Variants in WDR48 observed in about 807,000 individuals in gnomAD.
WDR48 encodes WD repeat domain 48.
WDR48 carries 22 observed loss-of-function variants against 94.0 expected under a neutral mutation model. That is an observed-to-expected ratio of 0.23 (90% CI 0.17 to 0.33). The LOEUF (loss-of-function observed/expected upper bound fraction) is 0.33. Among genes scored for constraint, WDR48 ranks in the 10% least tolerant of loss-of-function variants. WDR48 has a pLI of 1.00. For synonymous variants in WDR48, 278 were observed against 280.5 expected (o/e 0.99, Z 0.09); for missense variants, 541 against 813.8 (o/e 0.66, Z 4.08).
chr3:39,056,105 A>G (rs1351909169), intron 1 of WDR48, among the ~76,000 whole-genome samples: 1 of 152,258 alleles, frequency 6.6e-6, no homozygotes, highest in East Asian at 1.9e-4. Flanking sequence ...CTTGAAACAT[A>G]TCAGCATATA....
chr3:39,078,979 G>A (rs1291958761), intron 10 of WDR48, among the ~76,000 whole-genome samples: 2 of 148,344 alleles, frequency 1.3e-5, no homozygotes, highest in African/African-American at 5.0e-5. Flanking sequence ...GCAGTGAGCC[G>A]AGATCCCGCC....
intron 1 of WDR48, 120 bp downstream of exon 1, chr3:39,052,193 G>C: frequency 7.9e-7 from 1 of 1,267,722 alleles, no homozygotes; most frequent in South Asian, 1.4e-5. Context: ...ACGGGGCGGG[G>C]CGCGGCCGGC....
At chr3:39,090,347 T>C (rs1163315304) in intron 16 of WDR48, 1 of 152,242 alleles carries the variant, frequency 6.6e-6, no homozygotes, top group African/African-American at 2.4e-5. Flanking sequence ...GTGGTTTATA[T>C]TGAATATTAA....
chr3:39,077,144 G>T lies in WDR48; in HGVS notation c.903G>T (p.Glu301Asp), dbSNP rs1257079968. Reference protein sequence around the residue: ...CEEKAPVLKMELDRSADPPPA... With the variant: ...CEEKAPVLKMDLDRSADPPPA... ...TTTTTGTGCTTTGTTTTCAGATGGA[G>T]CTTGATAGATCAGCTGATCCTCCTC... is the stretch of plus-strand genomic sequence containing the variant. Residue 301 changes from glutamate to aspartate, a missense_variant, in exon 9 of 19, where the codon GAG (glutamate) becomes GAT (aspartate). Glu to Asp is a conservative substitution (Grantham distance 45). Around this residue, in one of 5 missense-constraint regions of WDR48, gnomAD observed 238 missense variants for 285.3 expected, o/e 0.83. Transcript: ENST00000302313. The T allele has an allele frequency of 6.2e-7, 1 of 1,614,158 alleles. No homozygotes were observed. Among genetic ancestry groups the T allele is most frequent in the East Asian group, 2.2e-5 (1 of 44,876 alleles).
At chr3:39,065,219 A>T (rs112390666) in intron 2 of WDR48, among the ~76,000 whole-genome samples, 1 of 152,232 alleles carries the variant, frequency 6.6e-6, no homozygotes, top group Admixed American at 6.5e-5. Flanking sequence ...TGAAATGGTG[A>T]CACAGGTTGT....
intron 1 of WDR48, among the ~76,000 whole-genome samples, chr3:39,057,983 T>C (rs1187404817): frequency 6.6e-6 from 1 of 152,214 alleles, no homozygotes; most frequent in African/African-American, 2.4e-5. Context: ...TATTTAATAT[T>C]TTGAAACATT....
At chr3:39,087,822 A>C (rs894614495) in intron 14 of WDR48, 1 of 226,482 alleles carries the variant, frequency 4.4e-6, no homozygotes, top group Non-Finnish European at 8.6e-6. Context: ...GTTTATATAC[A>C]GGCTGTCCTA....
At position 39,066,600 on chromosome 3, in the gene WDR48, AT is replaced by A; in HGVS notation, c.325del (p.Cys109AlafsTer5). ...TVKVWNAHKG[F>X]CMSTLRTHKD... ...TAAAAGTATGGAATGCACACAAGGG[AT>A]TTTGCATGTCAACATTAAGGACACA... On this transcript the variant is annotated frameshift_variant, in exon 4 of 19. Transcript: ENST00000302313. LOFTEE classifies it high-confidence loss of function. 6.2e-7 allele frequency: 1 copy of A among 1,613,876 alleles called. No homozygotes were observed. Among genetic ancestry groups the A allele is most frequent in the Non-Finnish European group, 8.5e-7 (1 of 1,179,908 alleles).
chr3:39,088,193 C>G lies in WDR48; in HGVS notation c.1540C>G (p.Pro514Ala). Residue 514 changes from proline (P) to alanine (A), a missense_variant, in exon 15 of 19, where the codon CCC (proline) becomes GCC (alanine). Physicochemically the swap from Pro to Ala is conservative, Grantham distance 27. This residue lies in a region of WDR48 where 238 missense variants were observed against 285.3 expected (regional missense o/e 0.83). Coordinates refer to ENST00000302313, the MANE Select transcript of WDR48 (RefSeq NM_020839.4). ...NGYFQVPPHT[P>A]VIFGEAGGRT... ...ATATTTTCAAGTGCCCCCACATACA[C>G]CCGTGATCTTTGGTGAAGCTGGAGG... The G allele has an allele frequency of 6.2e-7, 1 of 1,614,158 alleles. No individual in the cohort carries two copies. The highest frequency in any genetic ancestry group is 8.5e-7 in the Non-Finnish European group (1 of 1,180,040).
chr3:39,087,707 T>C (rs1309011765), intron 14 of WDR48: 1 of 160,532 alleles, frequency 6.2e-6, no homozygotes, highest in Non-Finnish European at 1.4e-5. Flanking sequence ...CAAATGCTTC[T>C]GTCTTTAGTT....
chr3:39,088,897 CTGTGTGTGAAAGTCTCTGCCAT>C (rs1333571034), intron 15 of WDR48, among the ~76,000 whole-genome samples: 35 of 152,300 alleles, frequency 2.3e-4, no homozygotes, highest in Admixed American at 2.2e-3. Context: ...CTGACTTCCA[CTGTGTGTGAAAGTCTCTGCCAT>C]GCACTGTGGC....
chr3:39,087,863 G>A (rs1322283704), intron 14 of WDR48: 2 of 372,766 alleles, frequency 5.4e-6, no homozygotes, highest in Non-Finnish European at 9.9e-6. Flanking sequence ...AGCTGGTTAT[G>A]TTTTTGTTCT....
chr3:39,062,945 T>C, intron 1 of WDR48, 105 bp from the exon 2 acceptor site: 3 of 1,416,524 alleles, frequency 2.1e-6, no homozygotes, highest in Non-Finnish European at 1.9e-6. Context: ...AAAGTACATA[T>C]TGGAAAACAT....
chr3:39,079,876 T>C (rs575712623), intron 11 of WDR48, 68 bp downstream of exon 11: 12 of 857,506 alleles, frequency 1.4e-5, no homozygotes, highest in Non-Finnish European at 1.9e-5. Context: ...TTATTTTTTG[T>C]ATGTGATAAG....
intron 1 of WDR48, chr3:39,052,649 A>G (rs1393814852): frequency 6.5e-6 from 1 of 152,728 alleles, no homozygotes; most frequent in Non-Finnish European, 1.5e-5. Flanking sequence ...TATAATTTTA[A>G]TTGTTTTGGT....
chr3:39,073,658 CT>C (rs562687819), intron 7 of WDR48, among the ~76,000 whole-genome samples: 208 of 152,220 alleles, frequency 1.4e-3, no homozygotes, highest in Middle Eastern at 3.4e-3. Context: ...CTAATTCAGT[CT>C]TTTTCCACCT....
chr3:39,053,695 T>C (rs1417359248), intron 1 of WDR48, among the ~76,000 whole-genome samples: 1 of 152,192 alleles, frequency 6.6e-6, no homozygotes, highest in Non-Finnish European at 1.5e-5. Context: ...CCTGCTTGCT[T>C]CCTTCCCAGG....
At chr3:39,058,295 G>T (rs920047647) in intron 1 of WDR48, among the ~76,000 whole-genome samples, 1 of 152,214 alleles carries the variant, frequency 6.6e-6, no homozygotes, top group Non-Finnish European at 1.5e-5. Flanking sequence ...GAATAGTGTT[G>T]TGTTTTACAG....
chr3:39,068,787 A>C lies in WDR48; in HGVS notation c.498A>C (p.Gly166=). The change falls in exon 6 of 19, where the codon GGA becomes GGC. Residue 166 remains glycine (G), a synonymous_variant. Transcript: ENST00000302313. ...NNTVTTSSLS[G]NKDSIYSLAM... ...CCTCAATAGCTTCTTCTTTAAGTGG[A>C]AACAAAGATTCCATTTATAGCCTGG... 1 of 1,602,834 alleles carries C rather than the reference A, an allele frequency of 6.2e-7. No individual in the cohort carries two copies. Among genetic ancestry groups the C allele is most frequent in the Non-Finnish European group, 8.5e-7 (1 of 1,172,210 alleles).
Sources: allele counts gnomAD v4.1 joint callset (sites outside exome capture counted in the v4.1 genomes callset), GRCh38; gene constraint gnomAD v4.1.1; regional missense constraint gnomAD v4.1.1; transcripts MANE v1.5; gene names NCBI Gene and HGNC (gene_info 2026-07-23, HGNC 2026-07-21).